Variants in FRAS1 observed in about 807,000 individuals in gnomAD.
The protein encoded by FRAS1 is extracellular matrix organizing protein FRAS1.
Under a neutral mutation model 435.2 loss-of-function variants are expected in FRAS1, and 290 were observed. That is an observed-to-expected ratio of 0.67 (90% confidence interval 0.61 to 0.73). FRAS1 has a LOEUF of 0.73. Among genes scored for constraint, FRAS1 ranks in the 30% least tolerant of loss-of-function variants. The pLI is 0.00. For missense variants in FRAS1, 4,860 were observed against 5,001.5 expected (o/e 0.97, Z 0.85); for synonymous variants, 1,800 against 1,851.0 (o/e 0.97, Z 0.71).
At chr4:78,466,104 A>G in intron 49 of FRAS1, 104 bp from the exon 50 acceptor site, 1 of 811,870 alleles carries the variant, frequency 1.2e-6, no homozygotes, top group South Asian at 1.7e-5. Context: ...TACTTTATCA[A>G]TGTCTTTGGG....
In FRAS1 at chr4:78,479,407, A is replaced by G. The variant is rs750235193; in HGVS notation, c.8132A>G (p.Tyr2711Cys). 1.3e-6 allele frequency: 2 copies of G among 1,529,046 alleles called. No homozygotes were observed. The highest frequency in any genetic ancestry group is 2.7e-5 in the African/African-American group (2 of 72,768). 94.7% of individuals were successfully genotyped at this position (1,529,046 alleles called of 1,614,324 possible). ...AGCAGCATTGTATCTGCAATTTGCT[A>G]CACAGTCCCTAAGTCAGCTATGGGA... ...DASSIVSAIC[Y>C]TVPKSAMGSS... Residue 2711 changes from tyrosine to cysteine, a missense_variant, in exon 56 of 74, where the codon TAC (tyrosine) becomes TGC (cysteine). Transcript: ENST00000512123.
intron 3 of FRAS1, among the ~76,000 whole-genome samples, chr4:78,242,373 C>A (rs1725038856): frequency 1.3e-5 from 2 of 152,132 alleles, no homozygotes; most frequent in Non-Finnish European, 2.9e-5. Context: ...GTTATTCAGA[C>A]CTGCTGTGGT....
chr4:78,485,781 G>A (rs530701525), intron 58 of FRAS1, among the ~76,000 whole-genome samples: 12 of 152,180 alleles, frequency 7.9e-5, no homozygotes, highest in Non-Finnish European at 1.8e-4. Context: ...CTCTATCCAA[G>A]TCCAGTCTTC....
At chr4:78,064,157 C>G (rs1267198604) in intron 1 of FRAS1, among the ~76,000 whole-genome samples, 1 of 150,762 alleles carries the variant, frequency 6.6e-6, no homozygotes, top group Non-Finnish European at 1.5e-5. Flanking sequence ...AATTTTCCTT[C>G]AAGGTTTTAT....
intron 2 of FRAS1, among the ~76,000 whole-genome samples, chr4:78,105,798 G>A (rs1251422441): frequency 2.0e-5 from 3 of 151,450 alleles, no homozygotes; most frequent in Non-Finnish European, 4.4e-5. Context: ...CGTGAGCGAC[G>A]CAGAAGACGG....
chr4:78,227,814 T>C (rs1013984953), intron 2 of FRAS1, among the ~76,000 whole-genome samples: 1 of 152,188 alleles, frequency 6.6e-6, no homozygotes, highest in Admixed American at 6.5e-5. Context: ...GCAGCAAGGA[T>C]TTTCAAGGGC....
chr4:78,403,274 GT>G (rs1167914034), intron 30 of FRAS1, among the ~76,000 whole-genome samples: 1 of 152,172 alleles, frequency 6.6e-6, no homozygotes, highest in African/African-American at 2.4e-5. Flanking sequence ...TGAATTAAAT[GT>G]TTTTTTAAGC....
intron 10 of FRAS1, among the ~76,000 whole-genome samples, chr4:78,279,033 G>A (rs1727197129): frequency 6.6e-6 from 1 of 152,172 alleles, no homozygotes. Flanking sequence ...GAATAAAACA[G>A]TGCAAGTGGG....
intron 2 of FRAS1, among the ~76,000 whole-genome samples, chr4:78,162,835 A>G (rs189031815): frequency 6.6e-6 from 1 of 152,328 alleles, no homozygotes; most frequent in Admixed American, 6.5e-5. Context: ...CATGGTTTTA[A>G]TTCCCTGCTG....
chr4:78,337,667 C>A lies in FRAS1; in HGVS notation c.2279-7C>A. 6.2e-7 allele frequency: 1 copy of A among 1,609,920 alleles called. No individual in the cohort carries two copies. Among genetic ancestry groups the A allele is most frequent in the Non-Finnish European group, 8.5e-7 (1 of 1,176,558 alleles). ...AATTCCAATCCTGGTTTTCGTCCCC[C>A]TGCCAGAGTGTCACCCAACCTGCAG... On this transcript the variant is annotated splice_polypyrimidine_tract_variant and splice_region_variant and intron_variant, in intron 19 of 73. Transcript: ENST00000512123.
At chr4:78,306,029 C>T (rs1728694806) in intron 14 of FRAS1, among the ~76,000 whole-genome samples, 1 of 151,896 alleles carries the variant, frequency 6.6e-6, no homozygotes, top group Non-Finnish European at 1.5e-5. Context: ...TTTAGCGCTT[C>T]CTTCAGGAGC....
At chr4:78,113,898 T>A (rs1473234053) in intron 2 of FRAS1, among the ~76,000 whole-genome samples, 2 of 152,232 alleles carry the variant, frequency 1.3e-5, no homozygotes, top group Non-Finnish European at 2.9e-5. Context: ...CATGAAGTCC[T>A]TGCCCATGCC....
At chr4:78,073,437 T>G (rs1019379045) in intron 2 of FRAS1, among the ~76,000 whole-genome samples, 1 of 152,186 alleles carries the variant, frequency 6.6e-6, no homozygotes, top group African/African-American at 2.4e-5. Flanking sequence ...TTTTATCATA[T>G]ATCTCAATTT....
intron 4 of FRAS1, 108 bp downstream of exon 4, chr4:78,245,433 G>A (rs944061725): frequency 1.3e-6 from 1 of 779,518 alleles, no homozygotes. Flanking sequence ...TGCCTGGATT[G>A]TGGAGGATCT....
At chr4:78,096,137 G>T (rs1741791958) in intron 2 of FRAS1, among the ~76,000 whole-genome samples, 2 of 152,160 alleles carry the variant, frequency 1.3e-5, no homozygotes, top group South Asian at 4.1e-4. Context: ...AGGGCTGCAG[G>T]CCCCATACAA....
intron 73 of FRAS1, 36 bp from the exon 74 acceptor site, chr4:78,540,495 G>A (rs369560197): frequency 7.3e-7 from 1 of 1,376,094 alleles, no homozygotes; most frequent in Non-Finnish European, 9.8e-7. Flanking sequence ...GGTGGTCTGT[G>A]GGCAACAACA....
chr4:78,490,606 A>G (rs1010677011), intron 59 of FRAS1, among the ~76,000 whole-genome samples: 2 of 152,218 alleles, frequency 1.3e-5, no homozygotes, highest in Non-Finnish European at 2.9e-5. Context: ...TTTGAAACCA[A>G]TGAGAACAAA....
At chr4:78,083,938 C>G (rs1336692548) in intron 2 of FRAS1, among the ~76,000 whole-genome samples, 2 of 152,032 alleles carry the variant, frequency 1.3e-5, no homozygotes, top group Admixed American at 6.6e-5. Flanking sequence ...CCCTCATTAA[C>G]CCTCTGGTTG....
chr4:78,298,294 G>C (rs900455522), intron 14 of FRAS1, among the ~76,000 whole-genome samples: 1 of 67,000 alleles, frequency 1.5e-5, no homozygotes, highest in African/African-American at 6.4e-5. Flanking sequence ...GATATTATAA[G>C]GTGTATATAT....
Sources: gnomAD v4.1 joint callset for allele counts (sites outside exome capture counted in the v4.1 genomes callset) on GRCh38, gnomAD v4.1.1 for gene constraint, MANE v1.5 for transcripts, NCBI Gene and HGNC (gene_info 2026-07-23, HGNC 2026-07-21) for gene names.